Variants in GRIK2 observed in about 807,000 individuals in gnomAD.
The protein encoded by GRIK2 is glutamate receptor ionotropic, kainate 2.
A neutral mutation model predicts 100.3 loss-of-function variants in GRIK2; 32 were observed. The ratio of observed to expected loss-of-function variants is 0.32; its 90% CI spans 0.24 to 0.43. GRIK2 has a LOEUF of 0.43. GRIK2 is among the 20% of genes least tolerant of loss of function. The pLI is 1.00. For synonymous variants in GRIK2, 417 were observed against 389.4 expected, an observed-to-expected ratio of 1.07 and a Z score of -0.83; for missense variants, 843 against 1,114.9, an observed-to-expected ratio of 0.76 and a Z score of 3.47.
At chr6:101,678,891 C>A (rs1771039066) in intron 5 of GRIK2, among the ~76,000 whole-genome samples, 1 of 152,090 alleles carries the variant, frequency 6.6e-6, no homozygotes, top group African/African-American at 2.4e-5. Context: ...AGGTATTGAA[C>A]AACAGTGAAT....
chr6:101,407,462 A>G (rs1001039348), intron 2 of GRIK2, among the ~76,000 whole-genome samples: 1 of 152,138 alleles, frequency 6.6e-6, no homozygotes, highest in Non-Finnish European at 1.5e-5. Flanking sequence ...TGTTTTTTTC[A>G]GTGTAGCCTC....
At chr6:101,722,020 A>G (rs1428630961) in intron 7 of GRIK2, among the ~76,000 whole-genome samples, 1 of 151,964 alleles carries the variant, frequency 6.6e-6, no homozygotes, top group East Asian at 1.9e-4. Context: ...TGCTTTAATA[A>G]CCTCATTAAA....
chr6:101,681,066 C>G (rs1034249450), intron 5 of GRIK2, among the ~76,000 whole-genome samples: 6 of 152,152 alleles, frequency 3.9e-5, no homozygotes, highest in Non-Finnish European at 8.8e-5. Flanking sequence ...CAAATTCTAT[C>G]CTACCTAACT....
chr6:101,411,241 T>G (rs942321680), intron 2 of GRIK2, among the ~76,000 whole-genome samples: 5 of 152,090 alleles, frequency 3.3e-5, no homozygotes, highest in African/African-American at 1.2e-4. Flanking sequence ...TTTCAAAATC[T>G]AATTCAAGTT....
At chr6:101,574,457 A>G (rs930360968) in intron 2 of GRIK2, among the ~76,000 whole-genome samples, 13 of 150,698 alleles carry the variant, frequency 8.6e-5, no homozygotes, top group Admixed American at 8.0e-4. Context: ...CACTAATGTA[A>G]GATTTTAACC....
Position 101,471,394 on chromosome 6 carries a change from C to T in GRIK2, c.115+72002C>T, listed in dbSNP as rs138538754. Among the ~76,000 whole-genome samples the T allele has an allele frequency of 6.6e-5, 10 of 152,102 alleles. No individual in the cohort carries two copies. In the East Asian group the frequency reaches 1.9e-3, roughly 29 times the overall value. ...CCTAATTTCACTATGGCCCCAATAG[C>T]CTATTACTTCACTATGATTGGTGTC... On this transcript the variant is annotated intron_variant, in intron 2 of 16. Coordinates refer to ENST00000369134, the MANE Select transcript of GRIK2 (RefSeq NM_021956.5).
intron 7 of GRIK2, among the ~76,000 whole-genome samples, chr6:101,719,138 GTTTTTTTTTTTTTTTT>G (rs60301711): frequency 8.0e-4 from 81 of 101,142 alleles, no homozygotes; most frequent in African/African-American, 3.7e-3. Context: ...GGCTGCAAGG[GTTTTTTTTTTTTTTTT>G]TTTTTTTTTT....
intron 8 of GRIK2, among the ~76,000 whole-genome samples, chr6:101,800,102 A>C (rs1780579253): frequency 6.6e-6 from 1 of 152,112 alleles, no homozygotes; most frequent in Non-Finnish European, 1.5e-5. Context: ...TATAAAATGC[A>C]TTTTTAACAT....
At chr6:101,575,215 A>G (rs1777738881) in intron 2 of GRIK2, among the ~76,000 whole-genome samples, 1 of 151,922 alleles carries the variant, frequency 6.6e-6, no homozygotes, top group Non-Finnish European at 1.5e-5. Flanking sequence ...AGATGGTAAC[A>G]TTGTACTAAG....
rs185054205 is a variant in GRIK2 at position 101,424,619 on chromosome 6, A to G, written c.115+25227A>G. On this transcript the variant is annotated intron_variant, in intron 2 of 16. Coordinates refer to ENST00000369134, the MANE Select transcript of GRIK2 (RefSeq NM_021956.5). ...TTTAGGTTACATGTGCACAATGTGC[A>G]GGTTTGTTACATATGTATACATGTG... 4.6e-4 allele frequency among the ~76,000 whole-genome samples: 69 copies of G among 150,298 alleles called. 1 individual carries two copies. The highest frequency in any genetic ancestry group is 3.5e-3 in the Middle Eastern group (1 of 286).
intron 2 of GRIK2, among the ~76,000 whole-genome samples, chr6:101,620,433 G>C (rs1780103718): frequency 6.6e-6 from 1 of 152,088 alleles, no homozygotes; most frequent in Non-Finnish European, 1.5e-5. Context: ...AATGAATATG[G>C]TATCAAATAA....
intron 4 of GRIK2, among the ~76,000 whole-genome samples, chr6:101,636,379 T>C (rs549341197): frequency 1.3e-5 from 2 of 152,120 alleles, no homozygotes; most frequent in African/African-American, 4.8e-5. Context: ...AGGGATAGCA[T>C]TGGGAGAAAC....
chr6:101,905,981 C>T (rs1457409715), intron 12 of GRIK2, among the ~76,000 whole-genome samples: 1 of 151,368 alleles, frequency 6.6e-6, no homozygotes, highest in African/African-American at 2.4e-5. Flanking sequence ...AGAAAATATG[C>T]TGTAGTTTAA....
At chr6:102,004,423 A>G (rs1795106194) in intron 14 of GRIK2, among the ~76,000 whole-genome samples, 1 of 151,722 alleles carries the variant, frequency 6.6e-6, no homozygotes, top group Non-Finnish European at 1.5e-5. Context: ...GGGATGCCTC[A>G]AAGTACAAAT....
chr6:102,030,557 A>G (rs1383069349), intron 14 of GRIK2, among the ~76,000 whole-genome samples: 4 of 151,336 alleles, frequency 2.6e-5, no homozygotes, highest in East Asian at 2.0e-4. Context: ...TGCCATATCC[A>G]AAGGAAATTA....
intron 5 of GRIK2, among the ~76,000 whole-genome samples, chr6:101,682,347 C>T (rs1420234268): frequency 6.6e-6 from 1 of 152,192 alleles, no homozygotes; most frequent in Non-Finnish European, 1.5e-5. Flanking sequence ...AATAGCTTTT[C>T]TATCTAGAGA....
In GRIK2 at chr6:101,934,385, C is replaced by T. The variant is rs372141854; in HGVS notation, c.2085+5753C>T. ...GCTATAACATGTTCTTTATAGTCTG[C>T]CACTTATTCTGATCTTACCAGCTCA... On this transcript the variant is annotated intron_variant, in intron 14 of 16. Transcript: ENST00000369134. Among the ~76,000 whole-genome samples the T allele has an allele frequency of 5.1e-4, 77 of 151,932 alleles. No individual in the cohort carries two copies. The East Asian group carries it at 8.9e-3, about 18-fold the overall frequency.
Position 101,975,789 on chromosome 6 carries a change from G to A in GRIK2, c.2085+47157G>A, listed in dbSNP as rs373300553. On this transcript the variant is annotated intron_variant, in intron 14 of 16. Transcript: ENST00000369134. ...TATCTATGTGTCTATCTGTCTGTCT[G>A]TCTGTCTATCTATCTATCTGTCTAT... is the stretch of plus-strand genomic sequence containing the variant. Among the ~76,000 whole-genome samples the A allele has an allele frequency of 2.0e-4, 18 of 91,884 alleles. No individual in the cohort carries two copies. The East Asian group carries it at 2.0e-3, about 10-fold the overall frequency. 60.3% of individuals were successfully genotyped at this position (91,884 alleles called of 152,430 possible). A position where few individuals can be genotyped will look rare whatever the true frequency, so the allele number is the denominator to read the frequency against.
At chr6:101,934,910 TTAACC>T (rs1192312066) in intron 14 of GRIK2, among the ~76,000 whole-genome samples, 1 of 151,998 alleles carries the variant, frequency 6.6e-6, no homozygotes, top group Non-Finnish European at 1.5e-5. Flanking sequence ...ATGCAGAAAA[TTAACC>T]TAAAAATAAT....
Sources: gnomAD v4.1 joint callset for allele counts (sites outside exome capture counted in the v4.1 genomes callset) on GRCh38, gnomAD v4.1.1 for gene constraint, MANE v1.5 for transcripts, NCBI Gene and HGNC (gene_info 2026-07-23, HGNC 2026-07-21) for gene names.